Variants in ZFP64 observed in about 807,000 individuals in gnomAD.
ZFP64 encodes zinc finger protein 64.
ZFP64 carries 14 observed loss-of-function variants against 51.6 expected under a neutral mutation model. That is an observed-to-expected ratio of 0.27 (90% CI 0.18 to 0.42). The LOEUF is 0.42. Ranked by LOEUF, ZFP64 falls within the 10% of genes least tolerant of loss-of-function variation. The pLI, the probability that ZFP64 is intolerant of heterozygous loss-of-function variation, is 1.00. For synonymous variants in ZFP64, 375 were observed against 361.4 expected (o/e 1.04, Z -0.43); for missense variants, 754 against 906.8 (o/e 0.83, Z 2.16).
intron 5 of ZFP64, 140 bp downstream of exon 5, chr20:52,159,983 A>C (rs6021761): frequency 0.31 from 448,521 of 1,461,368 alleles, 74,692 homozygotes; most frequent in African/African-American, 0.62. Context: ...ACAACAACAA[A>C]AAAAAACAAA....
chr20:52,119,254 C>T (rs942001621), intron 5 of ZFP64, among the ~76,000 whole-genome samples: 76 of 151,686 alleles, frequency 5.0e-4, no homozygotes, highest in Non-Finnish European at 9.3e-4. Flanking sequence ...CGGTGGTTCA[C>T]GCCTGTAATC....
rs1037385288 is a variant in ZFP64 at position 52,163,300 on chromosome 20, G to A, written c.511+1395C>T. Among the ~76,000 whole-genome samples, 7 of 152,166 alleles carry A rather than the reference G, an allele frequency of 4.6e-5. No homozygotes were observed. The East Asian group carries it at 9.6e-4, about 21-fold the overall frequency. On this transcript the variant is annotated intron_variant, in intron 4 of 5. Coordinates refer to ENST00000216923, the MANE Select transcript of ZFP64 (RefSeq NM_018197.3). ...CGCTTGAACCTGGGAGGCAGAAGTT[G>A]CGGTGAGCCAAGATTGAACCATTGC...
chr20:52,174,413 G>A (rs2123077085), intron 2 of ZFP64, among the ~76,000 whole-genome samples: 1 of 150,964 alleles, frequency 6.6e-6, no homozygotes, highest in East Asian at 1.9e-4. Context: ...AACCCGGGAG[G>A]CGGAGGTTGC....
chr20:52,131,248 GAAGAAA>G lies in ZFP64; in HGVS notation c.763+28869_763+28874del, dbSNP rs1301510627. ...AAAAGAAGGAAGGACGGGAAGGAAGGAAGAAAAAGAAAAAGGAAAAGAGAGAGAAGA... is the reference window on the plus strand; with the variant it reads ...AAAAGAAGGAAGGACGGGAAGGAAGGAAGAAAAAGGAAAAGAGAGAGAAGA... On this transcript the variant is annotated intron_variant, in intron 5 of 8. Coordinates refer to the ZFP64 transcript ENST00000361387. Among the ~76,000 whole-genome samples the G allele has an allele frequency of 4.1e-5, 6 of 146,898 alleles. No homozygotes were observed. In the East Asian group the frequency reaches 1.0e-3, roughly 24 times the overall value.
In ZFP64 at chr20:52,152,598, C is replaced by T. The variant is rs552566545; in HGVS notation, c.1594G>A (p.Glu532Lys). The T allele has an allele frequency of 6.5e-7, 1 of 1,545,520 alleles. No homozygotes were observed. The highest frequency in any genetic ancestry group is 1.2e-5 in the South Asian group (1 of 80,408). The change falls in exon 6 of 6, where the codon GAG becomes AAG. Residue 532 changes from glutamate to lysine, a missense_variant. Coordinates refer to ENST00000216923, the MANE Select transcript of ZFP64 (RefSeq NM_018197.3). The stretch of plus-strand genomic sequence containing the variant: ...AGCCGGCTGTTCCCTGGGAGTTCCT[C>T]TGGGTTCTGGGCCACCAAGGCAGGC... ...VPPALVAQNP[E>K]ELPGNSRLQI...
At chr20:52,190,128 A>C (rs1307089747) in intron 1 of ZFP64, among the ~76,000 whole-genome samples, 4 of 152,206 alleles carry the variant, frequency 2.6e-5, no homozygotes, top group African/African-American at 9.6e-5. Context: ...GCCATCTTGC[A>C]GGGATACACT....
In ZFP64 at chr20:52,088,193, C is replaced by T. The variant is rs1430166563; in HGVS notation, c.1228+199G>A. The T allele has an allele frequency of 5.0e-6, 4 of 804,832 alleles. No individual in the cohort carries two copies. In the African/African-American group the frequency reaches 7.0e-5, roughly 14 times the overall value. 49.9% of individuals were successfully genotyped at this position (804,832 alleles called of 1,614,324 possible). A position where few individuals can be genotyped will look rare whatever the true frequency, so the allele number is the denominator to read the frequency against. On this transcript the variant is annotated intron_variant, in intron 8 of 8. Coordinates refer to the ZFP64 transcript ENST00000361387. ...GATTCTATATAGTCAAGATATAAAA[C>T]CCAGCTGTCAGTCATATTTTACCAA...
chr20:52,118,353 A>G lies in ZFP64; in HGVS notation c.764-19766T>C, dbSNP rs116768567. 2.0e-3 allele frequency among the ~76,000 whole-genome samples: 304 copies of G among 152,150 alleles called. 1 individual carries two copies. Among genetic ancestry groups the G allele is most frequent in the African/African-American group, 7.0e-3 (289 of 41,510 alleles). On this transcript the variant is annotated intron_variant, in intron 5 of 8. Transcript: ENST00000361387. ...GCCTCTAATTCACCTGCTGGCCCCT[A>G]CTGGTTTGAAAGCTCCTGAGCTATA...
At chr20:52,157,141 A>G (rs1981383953) in intron 5 of ZFP64, among the ~76,000 whole-genome samples, 1 of 152,096 alleles carries the variant, frequency 6.6e-6, no homozygotes, top group Admixed American at 6.6e-5. Flanking sequence ...TGAATGTAAG[A>G]CTCTTTATTA....
chr20:52,098,538 T>C (rs768904508), exon 6 of ZFP64: 7 of 1,614,000 alleles, frequency 4.3e-6, no homozygotes, highest in South Asian at 1.1e-5. Context: ...TGTCAGTGCT[T>C]TCAGTGGAGA....
chr20:52,190,997 G>C (rs934759002), intron 1 of ZFP64, among the ~76,000 whole-genome samples: 1 of 152,212 alleles, frequency 6.6e-6, no homozygotes. Flanking sequence ...ACAATGCACC[G>C]GGAGAAACCA....
intron 5 of ZFP64, among the ~76,000 whole-genome samples, chr20:52,126,549 A>G (rs1979456138): frequency 6.6e-6 from 1 of 152,222 alleles, no homozygotes; most frequent in Non-Finnish European, 1.5e-5. Context: ...CCCTATAAAG[A>G]TGACTGTTGG....
chr20:52,115,474 G>T (rs1011429518), intron 5 of ZFP64, among the ~76,000 whole-genome samples: 13 of 150,034 alleles, frequency 8.7e-5, no homozygotes, highest in Admixed American at 6.7e-5. Context: ...GAGTGCCGTG[G>T]CATGATCATG....
At chr20:52,092,359 G>C (rs1314487429) in intron 7 of ZFP64, among the ~76,000 whole-genome samples, 2 of 147,356 alleles carry the variant, frequency 1.4e-5, no homozygotes, top group Non-Finnish European at 3.0e-5. Flanking sequence ...GATGTCTCCA[G>C]ACATTGTTCC....
chr20:52,181,912 A>C (rs534696518), intron 2 of ZFP64, among the ~76,000 whole-genome samples: 55 of 152,338 alleles, frequency 3.6e-4, no homozygotes, highest in Middle Eastern at 3.4e-3. Context: ...AAAGAAAAGA[A>C]AGCAGAATTC....
intron 7 of ZFP64, among the ~76,000 whole-genome samples, chr20:52,090,585 A>G (rs1005115199): frequency 5.3e-5 from 8 of 151,952 alleles, no homozygotes; most frequent in South Asian, 2.1e-4. Flanking sequence ...CAGATCATGA[A>G]GTCAGGAGTT....
At chr20:52,176,195 A>G (rs1048822659) in intron 2 of ZFP64, among the ~76,000 whole-genome samples, 5 of 152,168 alleles carry the variant, frequency 3.3e-5, no homozygotes, top group Admixed American at 2.6e-4. Flanking sequence ...CTGGAGCCCA[A>G]GAGTCCGAGT....
Position 52,152,379 on chromosome 20 carries a change from T to C in ZFP64, c.1813A>G (p.Thr605Ala), listed in dbSNP as rs1019631807. 20 of 1,614,170 alleles carry C rather than the reference T, an allele frequency of 1.2e-5. No homozygotes were observed. The highest frequency in any genetic ancestry group is 1.7e-5 in the Non-Finnish European group (20 of 1,180,030). The change falls in exon 6 of 6, where the codon ACC (threonine) becomes GCC (alanine). Residue 605 changes from threonine to alanine, a missense_variant. Transcript: ENST00000216923. The part of the protein sequence containing the change: ...QEGSGNQTFI[T>A]SSGITCTDFE... ...TCAGTGCAAGTAATACCCGAACTGG[T>C]AATGAAAGTTTGATTGCCAGAGCCT... is the stretch of plus-strand genomic sequence containing the variant.
chr20:52,154,397 T>C (rs888298759), intron 5 of ZFP64, among the ~76,000 whole-genome samples: 1 of 152,178 alleles, frequency 6.6e-6, no homozygotes, highest in Non-Finnish European at 1.5e-5. Context: ...AACTTGTTCT[T>C]GGTCGCCCCG....
Sources: allele counts gnomAD v4.1 joint callset (sites outside exome capture counted in the v4.1 genomes callset), GRCh38; gene constraint gnomAD v4.1.1; transcripts MANE v1.5; gene names NCBI Gene and HGNC (gene_info 2026-07-23, HGNC 2026-07-21).